OPCML: variants seen among roughly 807,000 people sequenced by gnomAD.
OPCML encodes the protein opioid binding protein/cell adhesion molecule like.
Under a neutral mutation model 37.8 loss-of-function variants are expected in OPCML, and 13 were observed. That is an observed-to-expected ratio of 0.34 (90% confidence interval 0.22 to 0.55). The LOEUF (loss-of-function observed/expected upper bound fraction) is 0.55. Among genes scored for constraint, OPCML ranks in the 20% least tolerant of loss-of-function variants. The pLI is 0.91. For missense variants in OPCML, 341 were observed against 435.6 expected (o/e 0.78, Z 1.93); for synonymous variants, 176 against 168.8 (o/e 1.04, Z -0.33).
At chr11:132,607,375 G>T (rs1047460143) in intron 3 of OPCML, among the ~76,000 whole-genome samples, 2 of 152,182 alleles carry the variant, frequency 1.3e-5, no homozygotes, top group African/African-American at 4.8e-5. Flanking sequence ...TGAACACGAA[G>T]TATGGAGGCC....
intron 1 of OPCML, among the ~76,000 whole-genome samples, chr11:133,243,589 G>T (rs1377585883): frequency 6.6e-6 from 1 of 152,304 alleles, no homozygotes; most frequent in Non-Finnish European, 1.5e-5. Flanking sequence ...GGCAGAGAAA[G>T]TCAGAGCTGG....
In OPCML at chr11:132,683,277, G is replaced by T. The variant is rs573384592; in HGVS notation, c.147-25958C>A. ...TAATCAGGCATAGTGGCGCATGCCT[G>T]TAGTCCCAGTTACTTACGAGGCTGA... On this transcript the variant is annotated intron_variant, in intron 2 of 7. Transcript: ENST00000524381. Among the ~76,000 whole-genome samples, 13 of 152,284 alleles carry T rather than the reference G, an allele frequency of 8.5e-5. No homozygotes were observed. In the South Asian group the frequency reaches 2.7e-3, roughly 32 times the overall value.
At chr11:133,039,113 C>A (rs182011268) in intron 1 of OPCML, among the ~76,000 whole-genome samples, 2 of 152,168 alleles carry the variant, frequency 1.3e-5, no homozygotes, top group African/African-American at 2.4e-5. Context: ...GCCTTTTCAG[C>A]GCCTTCAGAG....
At chr11:133,505,621 GT>G (rs1171140720) in intron 1 of OPCML, among the ~76,000 whole-genome samples, 2 of 152,124 alleles carry the variant, frequency 1.3e-5, no homozygotes, top group Admixed American at 6.5e-5. Flanking sequence ...CATCTACTCA[GT>G]TTCTCTTTGT....
intron 3 of OPCML, among the ~76,000 whole-genome samples, chr11:132,589,993 G>A (rs1438708905): frequency 6.6e-6 from 1 of 152,070 alleles, no homozygotes; most frequent in Non-Finnish European, 1.5e-5. Context: ...GGCCAGCTGG[G>A]CTTAGTTTGC....
intron 1 of OPCML, among the ~76,000 whole-genome samples, chr11:133,235,096 G>T (rs1940450958): frequency 6.6e-6 from 1 of 151,858 alleles, no homozygotes; most frequent in Non-Finnish European, 1.5e-5. Flanking sequence ...ATGCTTCAGG[G>T]GCTCCGCGGC....
At chr11:133,056,154 A>AG (rs1358384570) in intron 1 of OPCML, among the ~76,000 whole-genome samples, 1 of 152,218 alleles carries the variant, frequency 6.6e-6, no homozygotes, top group African/African-American at 2.4e-5. Flanking sequence ...TGGGAGATGG[A>AG]GGGGGACAGA....
intron 1 of OPCML, among the ~76,000 whole-genome samples, chr11:133,529,089 G>C (rs138478985): frequency 7.9e-5 from 12 of 152,294 alleles, no homozygotes; most frequent in African/African-American, 2.9e-4. Flanking sequence ...GAGGAGAAAA[G>C]ACAAGAAGAA....
At chr11:132,797,919 A>G (rs1016647709) in intron 2 of OPCML, among the ~76,000 whole-genome samples, 1 of 152,176 alleles carries the variant, frequency 6.6e-6, no homozygotes, top group Non-Finnish European at 1.5e-5. Flanking sequence ...TTAGACAGCA[A>G]TGAAGTTGGC....
chr11:133,028,092 T>C (rs1947597751), intron 1 of OPCML, among the ~76,000 whole-genome samples: 1 of 152,044 alleles, frequency 6.6e-6, no homozygotes, highest in Non-Finnish European at 1.5e-5. Flanking sequence ...AGCTGCAAAA[T>C]CTCCCACATC....
At chr11:133,257,191 G>A (rs1223796027) in intron 1 of OPCML, among the ~76,000 whole-genome samples, 1 of 152,134 alleles carries the variant, frequency 6.6e-6, no homozygotes, top group African/African-American at 2.4e-5. Context: ...GACAAAACCA[G>A]GTATGAAAGA....
At chr11:132,435,879 T>C (rs183139007) in intron 7 of OPCML, among the ~76,000 whole-genome samples, 50 of 152,358 alleles carry the variant, frequency 3.3e-4, no homozygotes, top group African/African-American at 1.2e-3. Context: ...ACTTTGCCTT[T>C]TAATGACCAT....
chr11:133,186,098 G>A (rs1314927314), intron 1 of OPCML, among the ~76,000 whole-genome samples: 1 of 152,146 alleles, frequency 6.6e-6, no homozygotes, highest in Non-Finnish European at 1.5e-5. Context: ...ATATTATCCA[G>A]CTTGATCATT....
At chr11:132,596,809 G>T (rs1399120224) in intron 3 of OPCML, among the ~76,000 whole-genome samples, 1 of 152,182 alleles carries the variant, frequency 6.6e-6, no homozygotes, top group African/African-American at 2.4e-5. Context: ...GGAGCCACAG[G>T]AATTGGCTTC....
chr11:132,625,063 C>A (rs1342095539), intron 3 of OPCML, among the ~76,000 whole-genome samples: 2 of 152,100 alleles, frequency 1.3e-5, no homozygotes, highest in Non-Finnish European at 2.9e-5. Context: ...ATGTTTAAAC[C>A]TACTTTTCTA....
rs187637905 is a variant in OPCML at position 133,270,392 on chromosome 11, A to G, written c.61+261872T>C. On this transcript the variant is annotated intron_variant, in intron 1 of 7. Transcript: ENST00000524381. Reference sequence around the variant, plus strand: ...GAAAAAAAAAACCATCTCTTTGTTCATCTGGAAAATGAGAAGGCTAGACAA... The same window carrying G: ...GAAAAAAAAAACCATCTCTTTGTTCGTCTGGAAAATGAGAAGGCTAGACAA... Among the ~76,000 whole-genome samples the G allele has an allele frequency of 1.2e-4, 18 of 152,280 alleles. No homozygotes were observed. In the East Asian group the frequency reaches 3.5e-3, roughly 29 times the overall value.
intron 2 of OPCML, among the ~76,000 whole-genome samples, chr11:132,917,268 A>G (rs1944639037): frequency 6.6e-6 from 1 of 152,250 alleles, no homozygotes; most frequent in Admixed American, 6.5e-5. Flanking sequence ...TCATCAAGGG[A>G]CAATTAGCAT....
rs141729361 is a variant in OPCML at position 133,520,533 on chromosome 11, C to T, written c.61+11731G>A. Reference sequence around the variant, plus strand: ...GTTTCCCCTTGGGCCTGGGCAAAGACGAATCTAACCTCTAGGGATGCATTC... The same window carrying T: ...GTTTCCCCTTGGGCCTGGGCAAAGATGAATCTAACCTCTAGGGATGCATTC... On this transcript the variant is annotated intron_variant, in intron 1 of 7. Transcript: ENST00000524381. Among the ~76,000 whole-genome samples, 177 of 152,226 alleles carry T rather than the reference C, an allele frequency of 1.2e-3. 1 individual carries two copies. Among genetic ancestry groups the T allele is most frequent in the African/African-American group, 1.9e-3 (77 of 41,538 alleles).
intron 2 of OPCML, among the ~76,000 whole-genome samples, chr11:132,680,832 C>T (rs1294038621): frequency 2.6e-5 from 4 of 152,268 alleles, no homozygotes; most frequent in South Asian, 2.1e-4. Context: ...ACTGACAAGC[C>T]GCTCCTGCAT....
Sources: gnomAD v4.1 joint callset for allele counts (sites outside exome capture counted in the v4.1 genomes callset) on GRCh38, gnomAD v4.1.1 for gene constraint, MANE v1.5 for transcripts, NCBI Gene and HGNC (gene_info 2026-07-23, HGNC 2026-07-21) for gene names.